LTBP2: variants seen among roughly 807,000 people sequenced by gnomAD.
LTBP2 encodes the protein latent transforming growth factor beta binding protein 2.
A neutral mutation model predicts 210.6 loss-of-function variants in LTBP2; 103 were observed. That is an observed-to-expected ratio of 0.49 (90% CI 0.42 to 0.58). The LOEUF is 0.58. Among genes scored for constraint, LTBP2 ranks in the 20% least tolerant of loss-of-function variants. The pLI is 0.00. For synonymous variants in LTBP2, 1,007 were observed against 1,015.0 expected (o/e 0.99, Z 0.15); for missense variants, 2,313 against 2,494.5 (o/e 0.93, Z 1.55).
intron 1 of LTBP2, among the ~76,000 whole-genome samples, chr14:74,607,950 G>A (rs1021024105): frequency 1.5e-4 from 21 of 143,354 alleles, no homozygotes; most frequent in Non-Finnish European, 1.5e-5. Flanking sequence ...GTCTCGCTCT[G>A]TCGCCCAGGC....
At chr14:74,530,272 C>A (rs1566625741) in intron 10 of LTBP2, among the ~76,000 whole-genome samples, 1 of 152,182 alleles carries the variant, frequency 6.6e-6, no homozygotes, top group Non-Finnish European at 1.5e-5. Flanking sequence ...GGCACTTAAC[C>A]AAGGAGGCCC....
intron 8 of LTBP2, among the ~76,000 whole-genome samples, chr14:74,547,829 G>C (rs1005221937): frequency 3.3e-5 from 5 of 152,106 alleles, no homozygotes; most frequent in Non-Finnish European, 7.3e-5. Context: ...CAGCTCTTGG[G>C]AACCAGAACC....
intron 4 of LTBP2, among the ~76,000 whole-genome samples, 165 bp downstream of exon 4, chr14:74,555,338 C>T (rs2139751946): frequency 6.6e-6 from 1 of 152,214 alleles, no homozygotes; most frequent in East Asian, 1.9e-4. Context: ...GACCCCTGGA[C>T]CCCGGCACAA....
rs1169132044 is a variant in LTBP2 at position 74,543,538 on chromosome 14, T to TTTCCTTCCTTCCTTCCTTCCTCCC, written c.1789+6324_1789+6325insGGGAGGAAGGAAGGAAGGAAGGAA. On this transcript the variant is annotated intron_variant, in intron 8 of 35. Coordinates refer to ENST00000261978, the MANE Select transcript of LTBP2 (RefSeq NM_000428.3). ...CCTGCCTGCCTGCCTTCCCTCCCTT[T>TTTCCTTCCTTCCTTCCTTCCTCCC]TTCCTCCCTCCCTCCCTTCCTTCCT... Among the ~76,000 whole-genome samples the TTTCCTTCCTTCCTTCCTTCCTCCC allele has an allele frequency of 6.0e-4, 77 of 127,612 alleles. 2 individuals carry two copies. The highest frequency in any genetic ancestry group is 2.1e-3 in the African/African-American group (64 of 30,164). 83.7% of individuals were successfully genotyped at this position (127,612 alleles called of 152,430 possible).
At chr14:74,561,859 G>A (rs1300675013) in intron 3 of LTBP2, among the ~76,000 whole-genome samples, 8 of 152,056 alleles carry the variant, frequency 5.3e-5, no homozygotes, top group Non-Finnish European at 1.0e-4. Context: ...GGGAGCTTCA[G>A]GGATAGATAG....
At chr14:74,555,341 C>T (rs991267280) in intron 4 of LTBP2, among the ~76,000 whole-genome samples, 162 bp downstream of exon 4, 2 of 152,030 alleles carry the variant, frequency 1.3e-5, no homozygotes, top group South Asian at 2.1e-4. Flanking sequence ...CCCTGGACCC[C>T]GGCACAAAGC....
intron 18 of LTBP2, among the ~76,000 whole-genome samples, chr14:74,514,170 G>T (rs574726092): frequency 6.6e-6 from 1 of 152,384 alleles, no homozygotes; most frequent in African/African-American, 2.4e-5. Context: ...ACTGGATGCA[G>T]AAATATTCCA....
At chr14:74,520,376 T>G (rs866848605) in intron 17 of LTBP2, among the ~76,000 whole-genome samples, 1 of 152,226 alleles carries the variant, frequency 6.6e-6, no homozygotes, top group Non-Finnish European at 1.5e-5. Context: ...GGTATTTCAA[T>G]TCACCTCTGA....
At chr14:74,572,801 C>A (rs144704429) in intron 3 of LTBP2, among the ~76,000 whole-genome samples, 1 of 152,270 alleles carries the variant, frequency 6.6e-6, no homozygotes, top group East Asian at 1.9e-4. Flanking sequence ...ACTGAGTGAG[C>A]AGCCAGTTCT....
chr14:74,592,090 T>C (rs957260653), intron 2 of LTBP2, among the ~76,000 whole-genome samples: 1 of 152,200 alleles, frequency 6.6e-6, no homozygotes, highest in African/African-American at 2.4e-5. Flanking sequence ...GGAGGGGCAA[T>C]CGTGGTTGTG....
intron 1 of LTBP2, 58 bp from the exon 2 acceptor site, chr14:74,603,763 C>T: frequency 6.9e-7 from 1 of 1,444,894 alleles, no homozygotes; most frequent in Non-Finnish European, 9.7e-7. Context: ...GGACTATTCA[C>T]AGCCCCTCCG....
At chr14:74,531,147 G>C (rs2087344894) in intron 10 of LTBP2, among the ~76,000 whole-genome samples, 4 of 152,182 alleles carry the variant, frequency 2.6e-5, no homozygotes, top group Non-Finnish European at 5.9e-5. Context: ...TGCCCCACTG[G>C]ACCTGGTCAG....
At chr14:74,583,660 A>C (rs1364029303) in intron 3 of LTBP2, among the ~76,000 whole-genome samples, 1 of 152,230 alleles carries the variant, frequency 6.6e-6, no homozygotes, top group East Asian at 1.9e-4. Flanking sequence ...TAGAAGGCTC[A>C]CACTGCCCAT....
chr14:74,554,761 C>T (rs61980882), intron 4 of LTBP2, among the ~76,000 whole-genome samples: 56,301 of 151,972 alleles, frequency 0.37, 12,571 homozygotes, highest in Non-Finnish European at 0.51. Flanking sequence ...ATTATAAATA[C>T]ACTAAAAGCC....
Position 74,504,964 on chromosome 14 carries a change from G to A in LTBP2, c.4369+19C>T. ...TGCAGAGCTGACCCTTCGAGGATCTGGAACCCTTGGGGTCTTACCTGAGTC... is the reference window on the plus strand; with the variant it reads ...TGCAGAGCTGACCCTTCGAGGATCTAGAACCCTTGGGGTCTTACCTGAGTC... On this transcript the variant is annotated intron_variant, in intron 29 of 35. Transcript: ENST00000261978. 6.2e-7 allele frequency: 1 copy of A among 1,614,148 alleles called. No homozygotes were observed.
chr14:74,564,181 A>T (rs1327821442), intron 3 of LTBP2, among the ~76,000 whole-genome samples: 2 of 51,368 alleles, frequency 3.9e-5, no homozygotes, highest in African/African-American at 8.1e-5. Flanking sequence ...ATATTTATAT[A>T]TATATTTATA....
At chr14:74,509,136 G>A in intron 22 of LTBP2, 102 bp downstream of exon 22, 1 of 1,585,044 alleles carries the variant, frequency 6.3e-7, no homozygotes, top group Non-Finnish European at 8.6e-7. Flanking sequence ...CGGGATGATG[G>A]CAGCTCCTCC....
chr14:74,593,423 G>T (rs886092683), intron 2 of LTBP2, among the ~76,000 whole-genome samples: 1 of 152,160 alleles, frequency 6.6e-6, no homozygotes, highest in African/African-American at 2.4e-5. Context: ...ATGTCATCTC[G>T]CTGAGATGTC....
intron 17 of LTBP2, among the ~76,000 whole-genome samples, chr14:74,520,598 C>T (rs1372798641): frequency 2.0e-5 from 3 of 152,112 alleles, no homozygotes; most frequent in East Asian, 1.9e-4. Context: ...ATCAGGAGTT[C>T]GAGACCAGCC....
Sources: allele counts gnomAD v4.1 joint callset (sites outside exome capture counted in the v4.1 genomes callset), GRCh38; gene constraint gnomAD v4.1.1; transcripts MANE v1.5; gene names NCBI Gene and HGNC (gene_info 2026-07-23, HGNC 2026-07-21).